The following GALNT13 variants were observed in gnomAD, a reference collection of about 807,000 sequenced individuals.
The protein encoded by GALNT13 is polypeptide N-acetylgalactosaminyltransferase 13.
A neutral mutation model predicts 64.2 loss-of-function variants in GALNT13; 28 were observed. That is an observed-to-expected ratio of 0.44 (90% CI 0.32 to 0.60). GALNT13 has a LOEUF of 0.60. Ranked by LOEUF, GALNT13 falls within the 20% of genes least tolerant of loss-of-function variation. The pLI, the probability that GALNT13 is intolerant of heterozygous loss-of-function variation, is 0.05. For synonymous variants in GALNT13, 214 were observed against 224.6 expected (o/e 0.95, Z 0.42); for missense variants, 577 against 669.8 (o/e 0.86, Z 1.53).
the GALNT13 span, among the ~76,000 whole-genome samples, chr2:153,309,060 A>C: frequency 2.0e-5 from 3 of 152,146 alleles, no homozygotes; most frequent in African/African-American, 7.2e-5. Context: ...GGTTCCAAAA[A>C]ATGAGAGGCA....
the GALNT13 span, chr2:153,762,663 G>C: frequency 2.0e-5 from 3 of 152,714 alleles, no homozygotes; most frequent in African/African-American, 7.3e-5. Flanking sequence ...CAGCTACTGA[G>C]TAGGATGAGG....
At chr2:153,226,434 C>T in the GALNT13 span, among the ~76,000 whole-genome samples, 1 of 152,086 alleles carries the variant, frequency 6.6e-6, no homozygotes, top group Non-Finnish European at 1.5e-5. Flanking sequence ...TTCTCCACTT[C>T]AGAGTGGAGG....
At chr2:153,248,829 G>GAAAA in the GALNT13 span, among the ~76,000 whole-genome samples, 1 of 44,280 alleles carries the variant, frequency 2.3e-5, no homozygotes, top group Non-Finnish European at 4.6e-5. Context: ...AAAAAAAAAA[G>GAAAA]AAAAAAAAGA....
the GALNT13 span, among the ~76,000 whole-genome samples, chr2:153,736,061 G>T: frequency 6.6e-6 from 1 of 152,144 alleles, no homozygotes; most frequent in Non-Finnish European, 1.5e-5. Flanking sequence ...ATCAGATAAT[G>T]TTTTTTAGTC....
chr2:153,831,757 T>G, the GALNT13 span, among the ~76,000 whole-genome samples: 1 of 152,190 alleles, frequency 6.6e-6, no homozygotes. Context: ...GCTTCCTACT[T>G]CTACGTCCTG....
chr2:153,509,516 A>G, the GALNT13 span, among the ~76,000 whole-genome samples: 6 of 152,256 alleles, frequency 3.9e-5, no homozygotes, highest in Admixed American at 6.5e-5. Flanking sequence ...AGCACAGACC[A>G]TAAAGAAAAA....
chr2:153,520,814 T>A, the GALNT13 span, among the ~76,000 whole-genome samples: 2 of 152,164 alleles, frequency 1.3e-5, no homozygotes, highest in Non-Finnish European at 2.9e-5. Flanking sequence ...AATAATCAAA[T>A]CTGAATAATT....
At chr2:153,138,837 A>G in the GALNT13 span, among the ~76,000 whole-genome samples, 1 of 152,060 alleles carries the variant, frequency 6.6e-6, no homozygotes, top group Non-Finnish European at 1.5e-5. Flanking sequence ...TAACAGTTAC[A>G]TGATTTTGCC....
chr2:154,062,853 T>TG (rs1216131478), intron 3 of GALNT13, among the ~76,000 whole-genome samples: 3 of 10,342 alleles, frequency 2.9e-4, no homozygotes, highest in Admixed American at 8.3e-4. Flanking sequence ...ACATGGAATG[T>TG]TTTTTTTTTC....
Position 154,336,309 on chromosome 2 carries a change from C to T in GALNT13, c.1156+34720C>T, listed in dbSNP as rs184429876. Among the ~76,000 whole-genome samples the T allele has an allele frequency of 8.0e-4, 122 of 152,158 alleles. 1 individual carries two copies. Among genetic ancestry groups the T allele is most frequent in the Admixed American group, 1.6e-3 (25 of 15,264 alleles). On this transcript the variant is annotated intron_variant, in intron 9 of 12. Coordinates refer to ENST00000392825, the MANE Select transcript of GALNT13 (RefSeq NM_052917.4). The stretch of plus-strand genomic sequence containing the variant: ...TCTTTTGAAAGTGGTCCTAGCCTAA[C>T]CTACTCAGTGATCATCAGGAATACC...
At chr2:153,456,067 A>G in the GALNT13 span, among the ~76,000 whole-genome samples, 1 of 152,152 alleles carries the variant, frequency 6.6e-6, no homozygotes, top group East Asian at 1.9e-4. Flanking sequence ...ACGCCCAGCC[A>G]TAGTTCCATC....
the GALNT13 span, among the ~76,000 whole-genome samples, chr2:153,176,368 A>G: frequency 2.7e-4 from 41 of 152,304 alleles, no homozygotes; most frequent in African/African-American, 9.9e-4. Flanking sequence ...TGAAAGAGAC[A>G]ATAAAGGCAG....
chr2:154,318,632 G>A (rs180899028), intron 9 of GALNT13, among the ~76,000 whole-genome samples: 2 of 151,912 alleles, frequency 1.3e-5, no homozygotes, highest in Admixed American at 6.6e-5. Flanking sequence ...AGCTGAGGCA[G>A]GAGAATTGCT....
the GALNT13 span, among the ~76,000 whole-genome samples, chr2:153,715,066 G>A: frequency 6.9e-6 from 1 of 145,542 alleles, no homozygotes; most frequent in Non-Finnish European, 1.5e-5. Context: ...ATGGCTCTGG[G>A]GGCATCATTC....
chr2:153,116,286 C>T, the GALNT13 span, among the ~76,000 whole-genome samples: 4 of 152,034 alleles, frequency 2.6e-5, no homozygotes, highest in African/African-American at 9.7e-5. Flanking sequence ...ATATGAAACA[C>T]TAGTGAAATA....
chr2:153,569,078 A>G, the GALNT13 span, among the ~76,000 whole-genome samples: 1 of 152,132 alleles, frequency 6.6e-6, no homozygotes, highest in African/African-American at 2.4e-5. Flanking sequence ...ACATTTTAGT[A>G]CATGTCTTTT....
the GALNT13 span, among the ~76,000 whole-genome samples, chr2:153,257,744 A>G: frequency 0.032 from 4,939 of 152,232 alleles, 253 homozygotes; most frequent in African/African-American, 0.11. Flanking sequence ...CTTGGAAACT[A>G]TTTGTGAGTA....
chr2:154,271,376 A>G (rs370265535), intron 8 of GALNT13, among the ~76,000 whole-genome samples: 32 of 152,162 alleles, frequency 2.1e-4, no homozygotes, highest in African/African-American at 7.0e-4. Flanking sequence ...GAGAAGTTAA[A>G]TATGAGCTTT....
At chr2:153,920,499 C>G (rs1228935521) in intron 2 of GALNT13, among the ~76,000 whole-genome samples, 18 of 151,984 alleles carry the variant, frequency 1.2e-4, no homozygotes, top group Non-Finnish European at 2.9e-5. Flanking sequence ...GGATGAAAGA[C>G]TTTAATATAA....
Sources: allele counts gnomAD v4.1 joint callset (sites outside exome capture counted in the v4.1 genomes callset), GRCh38; gene constraint gnomAD v4.1.1; transcripts MANE v1.5; gene names NCBI Gene and HGNC (gene_info 2026-07-23, HGNC 2026-07-21).